Variants in ACSS2 observed in about 807,000 individuals in gnomAD.
ACSS2 encodes acyl-CoA synthetase short chain family member 2.
A neutral mutation model predicts 90.6 loss-of-function variants in ACSS2; 58 were observed. The ratio of observed to expected loss-of-function variants is 0.64; its 90% CI spans 0.52 to 0.80. The LOEUF (loss-of-function observed/expected upper bound fraction) is 0.80, where lower values mean the gene tolerates loss of function less well. Among genes scored for constraint, ACSS2 ranks in the 30% least tolerant of loss-of-function variants. The pLI is 0.00. For missense variants in ACSS2, 759 were observed against 912.0 expected (o/e 0.83, Z 2.16); for synonymous variants, 300 against 330.9 (o/e 0.91, Z 1.01).
At chr20:34,877,818 C>CAAAAAAAAAAAAAA (rs60819156) in intron 1 of ACSS2, among the ~76,000 whole-genome samples, 3 of 91,222 alleles carry the variant, frequency 3.3e-5, no homozygotes, top group African/African-American at 1.4e-4. Flanking sequence ...GACTTTGTCT[C>CAAAAAAAAAAAAAA]AAAAAAAAAA....
chr20:34,903,470 G>A (rs975219336), intron 2 of ACSS2, among the ~76,000 whole-genome samples: 2 of 152,122 alleles, frequency 1.3e-5, no homozygotes, highest in African/African-American at 2.4e-5. Flanking sequence ...TAGCTTGACC[G>A]GGGTGGAGAC....
chr20:34,913,570 T>C, intron 4 of ACSS2, 74 bp downstream of exon 4: 1 of 1,429,932 alleles, frequency 7.0e-7, no homozygotes, highest in Non-Finnish European at 9.7e-7. Context: ...GCCTAGATGA[T>C]GGAGGGTCTT....
At chr20:34,875,185 G>T (rs558906365), upstream of ACSS2, 1 of 534,496 alleles carries the variant, frequency 1.9e-6, no homozygotes, top group Non-Finnish European at 3.8e-6. Context: ...GGGGTGGAGG[G>T]GCTAGAGAGA....
chr20:34,917,163 A>G (rs2081092647), intron 7 of ACSS2, among the ~76,000 whole-genome samples: 1 of 152,182 alleles, frequency 6.6e-6, no homozygotes, highest in Non-Finnish European at 1.5e-5. Flanking sequence ...TTGTCCTTAC[A>G]TGTACTTAGT....
rs1205450854 is a variant in ACSS2 at position 34,913,165 on chromosome 20, C to A, written c.444C>A (p.Phe148Leu). 6.2e-7 allele frequency: 1 copy of A among 1,614,076 alleles called. No homozygotes were observed. The highest frequency in any genetic ancestry group is 8.5e-7 in the Non-Finnish European group (1 of 1,180,026). The change falls in exon 3 of 18, where the codon TTC becomes TTA. Residue 148 changes from phenylalanine (F) to leucine (L), a missense_variant. Physicochemically the swap from Phe to Leu is conservative, Grantham distance 22 (BLOSUM62 0). Coordinates refer to ENST00000360596, the MANE Select transcript of ACSS2 (RefSeq NM_018677.4). ...YHQLLVQVCQ[F>L]SNVLRKQGIQ... ...AGCTTCTGGTCCAAGTGTGTCAGTT[C>A]AGCAATGTTCTCCGAAAACAGGGTG... is the stretch of plus-strand genomic sequence containing the variant.
At chr20:34,892,810 C>A (rs1328230613) in intron 2 of ACSS2, among the ~76,000 whole-genome samples, 1 of 152,188 alleles carries the variant, frequency 6.6e-6, no homozygotes, top group South Asian at 2.1e-4. Context: ...CACCCTGTTA[C>A]TGTGTTCCCT....
At chr20:34,884,617 A>C (rs1331228899) in intron 2 of ACSS2, among the ~76,000 whole-genome samples, 1 of 152,192 alleles carries the variant, frequency 6.6e-6, no homozygotes, top group Non-Finnish European at 1.5e-5. Flanking sequence ...ACCATTGCTT[A>C]GTTGGGGGCC....
intron 2 of ACSS2, among the ~76,000 whole-genome samples, chr20:34,903,214 C>G (rs144485022): frequency 6.6e-6 from 1 of 151,858 alleles, no homozygotes; most frequent in Non-Finnish European, 1.5e-5. Flanking sequence ...TGGTGGCATG[C>G]ACCTGTGGTC....
Position 34,914,099 on chromosome 20 carries a change from C to T in ACSS2, c.647C>T (p.Ala216Val). The change falls in exon 6 of 18, where the codon GCC becomes GTC. Residue 216 changes from alanine (A) to valine (V), a missense_variant. Transcript: ENST00000360596. The part of the protein sequence containing the change: ...SSCSLLITTD[A>V]FYRGEKLVNL... ...GAATGTCTGTTGCTCCCCAAAGATGCCTTCTACAGGGGGGAAAAGCTTGTG... is the reference window on the plus strand; with the variant it reads ...GAATGTCTGTTGCTCCCCAAAGATGTCTTCTACAGGGGGGAAAAGCTTGTG... 1 of 1,614,088 alleles carries T rather than the reference C, an allele frequency of 6.2e-7. No individual in the cohort carries two copies. Among genetic ancestry groups the T allele is most frequent in the South Asian group, 1.1e-5 (1 of 91,072 alleles).
intron 2 of ACSS2, among the ~76,000 whole-genome samples, chr20:34,883,649 T>C (rs111309001): frequency 8.5e-4 from 129 of 152,332 alleles, no homozygotes; most frequent in Non-Finnish European, 1.6e-3. Context: ...TTTCATTTTA[T>C]AGGTGAACAA....
chr20:34,890,499 G>GGACT (rs1204521772), intron 2 of ACSS2, among the ~76,000 whole-genome samples: 2 of 152,150 alleles, frequency 1.3e-5, no homozygotes, highest in Non-Finnish European at 2.9e-5. Context: ...GAACACTGGA[G>GGACT]GACTGTCGGG....
intron 14 of ACSS2, 76 bp from the exon 15 acceptor site, chr20:34,925,622 G>T: frequency 6.8e-7 from 1 of 1,472,172 alleles, no homozygotes; most frequent in Admixed American, 2.0e-5. Context: ...ATTGCAGAAG[G>T]TGTAGCAGTT....
At chr20:34,925,094 G>T (rs934148549) in intron 14 of ACSS2, among the ~76,000 whole-genome samples, 2 of 152,168 alleles carry the variant, frequency 1.3e-5, no homozygotes, top group Non-Finnish European at 2.9e-5. Flanking sequence ...TATACTATTG[G>T]CATGGAACAA....
At chr20:34,885,839 T>A (rs2080178582) in intron 2 of ACSS2, among the ~76,000 whole-genome samples, 1 of 152,094 alleles carries the variant, frequency 6.6e-6, no homozygotes. Context: ...AAACAAGACA[T>A]CCTCACTCCA....
upstream of ACSS2, chr20:34,876,415 C>G (rs1198276480): frequency 2.4e-6 from 1 of 408,194 alleles, no homozygotes; most frequent in African/African-American, 2.1e-5. Flanking sequence ...CAGCTCCACC[C>G]CTATCCCTCG....
Position 34,914,426 on chromosome 20 carries a change from C to T in ACSS2, c.823C>T (p.Pro275Ser), listed in dbSNP as rs774197909. ...GTCCCCCCCAATTAAGAGGTCATGCCCAGATGTGCAGGTGAGTCTGGCACT... is the reference window on the plus strand; with the variant it reads ...GTCCCCCCCAATTAAGAGGTCATGCTCAGATGTGCAGGTGAGTCTGGCACT... ...SQSPPIKRSC[P>S]DVQISWNQGI... The change falls in exon 7 of 18, where the codon CCA becomes TCA. Residue 275 changes from proline (P) to serine (S), a missense_variant. Coordinates refer to ENST00000360596, the MANE Select transcript of ACSS2 (RefSeq NM_018677.4). 1.2e-6 allele frequency: 2 copies of T among 1,612,832 alleles called. No individual in the cohort carries two copies. The highest frequency in any genetic ancestry group is 3.3e-5 in the Admixed American group (2 of 59,788).
At chr20:34,880,157 C>T (rs1269555565) in intron 1 of ACSS2, among the ~76,000 whole-genome samples, 1 of 152,018 alleles carries the variant, frequency 6.6e-6, no homozygotes, top group Non-Finnish European at 1.5e-5. Flanking sequence ...TATAGTGTTG[C>T]TATAAACATC....
chr20:34,925,654 C>G, intron 14 of ACSS2, 44 bp from the exon 15 acceptor site: 2 of 1,580,718 alleles, frequency 1.3e-6, no homozygotes, highest in African/African-American at 2.7e-5. Context: ...ATCAGGTATC[C>G]TACCGTAGGG....
At chr20:34,912,140 A>G (rs2080974031) in intron 2 of ACSS2, among the ~76,000 whole-genome samples, 1 of 152,212 alleles carries the variant, frequency 6.6e-6, no homozygotes, top group South Asian at 2.1e-4. Flanking sequence ...ATTTCTATAC[A>G]TGTAGATAGC....
Sources: allele counts gnomAD v4.1 joint callset (sites outside exome capture counted in the v4.1 genomes callset), GRCh38; gene constraint gnomAD v4.1.1; transcripts MANE v1.5; gene names NCBI Gene and HGNC (gene_info 2026-07-23, HGNC 2026-07-21).